Variants in SYNPO2 observed in about 807,000 individuals in gnomAD.
The protein encoded by SYNPO2 is synaptopodin 2, also known as synaptopodin-2.
In SYNPO2, 56 loss-of-function variants were observed where a neutral mutation model predicts 85.0. That is an observed-to-expected ratio of 0.66 (90% confidence interval 0.53 to 0.82). The LOEUF (loss-of-function observed/expected upper bound fraction) is 0.82, where lower values mean the gene tolerates loss of function less well. Ranked by LOEUF, SYNPO2 falls within the 40% of genes least tolerant of loss-of-function variation. The pLI, the probability that SYNPO2 is intolerant of heterozygous loss-of-function variation, is 0.00. For synonymous variants in SYNPO2, 602 were observed against 591.1 expected, an observed-to-expected ratio of 1.02 and a Z score of -0.27; for missense variants, 1,575 against 1,534.2, an observed-to-expected ratio of 1.03 and a Z score of -0.44.
intron 1 of SYNPO2, among the ~76,000 whole-genome samples, chr4:118,970,703 TACAA>T (rs1039915294): frequency 5.3e-5 from 8 of 152,204 alleles, no homozygotes; most frequent in African/African-American, 1.4e-4. Flanking sequence ...TAGAGAAAGC[TACAA>T]ACACTCTAGA....
chr4:118,937,653 C>T (rs1216362702), intron 1 of SYNPO2, among the ~76,000 whole-genome samples: 1 of 151,980 alleles, frequency 6.6e-6, no homozygotes, highest in Non-Finnish European at 1.5e-5. Context: ...AATACTCAGC[C>T]TCAGTTTCTT....
chr4:118,979,077 C>T (rs1345193609), intron 1 of SYNPO2, among the ~76,000 whole-genome samples: 1 of 152,164 alleles, frequency 6.6e-6, no homozygotes, highest in Admixed American at 6.5e-5. Flanking sequence ...CTTTCGCTTT[C>T]CAATCGTTCT....
chr4:118,922,666 G>A (rs1733579196), intron 1 of SYNPO2, among the ~76,000 whole-genome samples: 2 of 151,432 alleles, frequency 1.3e-5, no homozygotes, highest in South Asian at 4.2e-4. Context: ...AACCAAAGAG[G>A]GTTAAGGTAA....
intron 1 of SYNPO2, among the ~76,000 whole-genome samples, chr4:118,957,982 G>A (rs74609956): frequency 0.032 from 4,862 of 152,234 alleles, 142 homozygotes; most frequent in East Asian, 0.14. Flanking sequence ...CTCCACTTAT[G>A]TGGAGAACAC....
At chr4:119,056,742 C>A (rs970330974) in intron 4 of SYNPO2, among the ~76,000 whole-genome samples, 2 of 152,082 alleles carry the variant, frequency 1.3e-5, no homozygotes, top group African/African-American at 4.8e-5. Context: ...ATACACTCCA[C>A]TCAGGAAATA....
intron 1 of SYNPO2, among the ~76,000 whole-genome samples, chr4:118,983,538 A>G (rs1560944220): frequency 1.3e-5 from 2 of 152,176 alleles, no homozygotes; most frequent in Non-Finnish European, 2.9e-5. Flanking sequence ...GCATTGATCT[A>G]AAATCCCCTG....
At chr4:119,019,876 G>T (rs1737652421) in intron 1 of SYNPO2, among the ~76,000 whole-genome samples, 1 of 152,126 alleles carries the variant, frequency 6.6e-6, no homozygotes. Flanking sequence ...AAGGAGACTG[G>T]TTGATAAGTT....
chr4:119,032,928 T>A, intron 4 of SYNPO2: 1 of 924,030 alleles, frequency 1.1e-6, no homozygotes, highest in Non-Finnish European at 1.3e-6. Flanking sequence ...TAAAGGTTGA[T>A]TCCCACCCTC....
intron 1 of SYNPO2, among the ~76,000 whole-genome samples, chr4:118,933,832 T>G (rs577166136): frequency 9.2e-5 from 13 of 141,754 alleles, no homozygotes; most frequent in African/African-American, 2.2e-4. Context: ...TGTTGTTGTT[T>G]TTTTTTTTTT....
At chr4:119,003,200 A>G (rs1012346181) in intron 1 of SYNPO2, among the ~76,000 whole-genome samples, 1 of 152,172 alleles carries the variant, frequency 6.6e-6, no homozygotes, top group Non-Finnish European at 1.5e-5. Context: ...AGGCCTCAGG[A>G]AACTTACAAT....
At position 119,030,939 on chromosome 4, in the gene SYNPO2, G is replaced by C. The variant is rs771897583; in HGVS notation, c.2164G>C (p.Gly722Arg). The C allele has an allele frequency of 8.7e-6, 14 of 1,614,132 alleles. No homozygotes were observed. The highest frequency in any genetic ancestry group is 1.0e-5 in the Non-Finnish European group (12 of 1,180,022). ...SLLQNSEGKR[G>R]TGAGGDSGPE... ...CCTTCAAAATTCAGAAGGCAAACGG[G>C]GCACTGGAGCTGGAGGTGATTCCGG... The change falls in exon 4 of 5, where the codon GGC becomes CGC. Residue 722 changes from glycine (G) to arginine (R), a missense_variant. Transcript: ENST00000307142.
chr4:119,044,776 G>C (rs554086029), intron 4 of SYNPO2, among the ~76,000 whole-genome samples: 1 of 152,186 alleles, frequency 6.6e-6, no homozygotes, highest in Non-Finnish European at 1.5e-5. Context: ...TTAATCAAAG[G>C]TTCCATTTAA....
intron 1 of SYNPO2, among the ~76,000 whole-genome samples, chr4:118,892,395 C>T (rs1732405564): frequency 6.6e-6 from 1 of 152,106 alleles, no homozygotes; most frequent in South Asian, 2.1e-4. Flanking sequence ...TAGCATAACA[C>T]TCTGCAAAGT....
chr4:119,034,684 G>A (rs1047881052), intron 4 of SYNPO2: 1 of 985,504 alleles, frequency 1.0e-6, no homozygotes, highest in Non-Finnish European at 1.2e-6. Flanking sequence ...TCACTCTGAG[G>A]GAGATGGGAA....
intron 1 of SYNPO2, among the ~76,000 whole-genome samples, chr4:118,894,836 T>TA (rs1732498523): frequency 6.7e-6 from 1 of 149,348 alleles, no homozygotes; most frequent in Non-Finnish European, 1.5e-5. Flanking sequence ...GATTCACATT[T>TA]TAAAAAAAAA....
At chr4:119,003,722 A>C (rs1345774999) in intron 1 of SYNPO2, among the ~76,000 whole-genome samples, 1 of 152,010 alleles carries the variant, frequency 6.6e-6, no homozygotes, top group Non-Finnish European at 1.5e-5. Context: ...TTTCCTTTAG[A>C]TTAGAACTGA....
intron 1 of SYNPO2, among the ~76,000 whole-genome samples, chr4:118,963,511 C>CT (rs982870308): frequency 4.6e-5 from 7 of 152,114 alleles, no homozygotes; most frequent in Non-Finnish European, 8.8e-5. Context: ...GCATCTTTAA[C>CT]TTTTTTTAGA....
intron 1 of SYNPO2, among the ~76,000 whole-genome samples, chr4:119,007,221 T>TATATATATATATATATATATGTATATAC (rs1737067379): frequency 7.8e-5 from 3 of 38,654 alleles, no homozygotes; most frequent in African/African-American, 3.9e-4. Flanking sequence ...CAAAGGTATA[T>TATATATATATATATATATATGTATATAC]ATATATATAT....
chr4:118,975,265 C>G (rs1375060684), intron 1 of SYNPO2, among the ~76,000 whole-genome samples: 1 of 152,128 alleles, frequency 6.6e-6, no homozygotes, highest in African/African-American at 2.4e-5. Flanking sequence ...GGTGACAGAT[C>G]CCAAAATCTA....
Sources: gnomAD v4.1 joint callset for allele counts (sites outside exome capture counted in the v4.1 genomes callset) on GRCh38, gnomAD v4.1.1 for gene constraint, MANE v1.5 for transcripts, NCBI Gene and HGNC (gene_info 2026-07-23, HGNC 2026-07-21) for gene names.